The following KANSL1 variants were observed in gnomAD, a reference collection of about 807,000 sequenced individuals.
KANSL1 encodes MLL1/MLL complex subunit KANSL1.
A neutral mutation model predicts 103.6 loss-of-function variants in KANSL1; 22 were observed. The observed-to-expected ratio is 0.21, with a 90% CI of 0.15 to 0.30. The LOEUF is 0.30. KANSL1 is among the 10% of genes least tolerant of loss of function. KANSL1 has a pLI of 1.00. For synonymous variants in KANSL1, 600 were observed against 527.6 expected, an observed-to-expected ratio of 1.14 and a Z score of -1.88; for missense variants, 1,337 against 1,399.8, an observed-to-expected ratio of 0.96 and a Z score of 0.72.
intron 1 of KANSL1, among the ~76,000 whole-genome samples, chr17:46,189,563 T>G (rs1221556063): frequency 6.6e-6 from 1 of 152,204 alleles, no homozygotes; most frequent in Non-Finnish European, 1.5e-5. Flanking sequence ...GTGGATTAGT[T>G]TGGTGTTTTA....
chr17:46,066,210 G>C (rs1367161995), intron 6 of KANSL1, among the ~76,000 whole-genome samples: 1 of 152,198 alleles, frequency 6.6e-6, no homozygotes, highest in South Asian at 2.1e-4. Flanking sequence ...AGTGATAACA[G>C]TGAAGGTGAG....
chr17:46,031,623 C>T lies in KANSL1; in HGVS notation c.3171G>A (p.Gln1057=). The change falls in exon 15 of 15, where the codon CAG becomes CAA. Residue 1057 remains glutamine (Q), a synonymous_variant. Coordinates refer to ENST00000432791, the MANE Select transcript of KANSL1 (RefSeq NM_015443.4). The part of the protein sequence containing the change: ...QAECEDQLDA[Q]ERAARCTRRT... ...GTCGAGTGCAGCGGGCTGCTCGCTC[C>T]TGTGCATCCAGCTGGTCCTCACACT... is the stretch of plus-strand genomic sequence containing the variant. 1 of 1,614,104 alleles carries T rather than the reference C, an allele frequency of 6.2e-7. No homozygotes were observed. The highest frequency in any genetic ancestry group is 8.5e-7 in the Non-Finnish European group (1 of 1,179,968).
intron 2 of KANSL1, among the ~76,000 whole-genome samples, chr17:46,105,947 A>ACCCCCCCCC (rs67725690): frequency 1.7e-5 from 1 of 57,778 alleles, no homozygotes; most frequent in African/African-American, 6.6e-5. Flanking sequence ...ACACACACAC[A>ACCCCCCCCC]CCCCCCCAGA....
intron 6 of KANSL1, among the ~76,000 whole-genome samples, chr17:46,064,335 CCCTT>C: frequency 6.6e-6 from 1 of 152,296 alleles, no homozygotes; most frequent in Admixed American, 6.5e-5. Flanking sequence ...TCTCTCATCT[CCCTT>C]ATTTGTCATT....
intron 6 of KANSL1, among the ~76,000 whole-genome samples, chr17:46,059,552 G>A (rs1163770310): frequency 6.6e-6 from 1 of 150,414 alleles, no homozygotes; most frequent in Non-Finnish European, 1.5e-5. Flanking sequence ...GAACCCGGGA[G>A]GCAGACGTTG....
At chr17:46,194,064 A>AG (rs1567793179), upstream of KANSL1, among the ~76,000 whole-genome samples, 1 of 150,356 alleles carries the variant, frequency 6.7e-6, no homozygotes, top group Non-Finnish European at 1.5e-5. Flanking sequence ...CGGGGTGGGG[A>AG]GGGTGCACGT....
intron 2 of KANSL1, among the ~76,000 whole-genome samples, chr17:46,122,595 G>A (rs968999300): frequency 3.3e-5 from 5 of 152,154 alleles, no homozygotes; most frequent in African/African-American, 1.2e-4. Context: ...TCACTTTACT[G>A]CACTTTGCAG....
At chr17:46,109,147 G>A (rs543509677) in intron 2 of KANSL1, among the ~76,000 whole-genome samples, 9 of 152,122 alleles carry the variant, frequency 5.9e-5, no homozygotes, top group East Asian at 3.9e-4. Flanking sequence ...GGAGCCTCAC[G>A]ATGTTGCCCA....
intron 1 of KANSL1, among the ~76,000 whole-genome samples, chr17:46,217,344 C>T (rs978971670): frequency 7.2e-5 from 11 of 151,854 alleles, no homozygotes; most frequent in Admixed American, 2.0e-4. Flanking sequence ...GGCACGGTGG[C>T]GAGCACCTGT....
intron 1 of KANSL1, among the ~76,000 whole-genome samples, chr17:46,175,874 G>C (rs960532734): frequency 4.6e-5 from 7 of 152,168 alleles, no homozygotes; most frequent in Admixed American, 3.3e-4. Context: ...CAGACCAGTT[G>C]ACAGTACTAA....
intron 1 of KANSL1, among the ~76,000 whole-genome samples, chr17:46,209,044 G>A (rs528387287): frequency 4.6e-5 from 7 of 151,812 alleles, no homozygotes; most frequent in African/African-American, 1.4e-4. Flanking sequence ...TTAGCCAGGC[G>A]TGATGGCGCA....
intron 6 of KANSL1, among the ~76,000 whole-genome samples, chr17:46,059,646 AAAGAGAG>A (rs2078083455): frequency 3.1e-5 from 2 of 64,484 alleles, no homozygotes; most frequent in African/African-American, 8.1e-5. Flanking sequence ...AAAAAAAAAA[AAAGAGAG>A]AGAGAGAGAG....
At chr17:46,193,604 A>G (rs1209816885), upstream of KANSL1, 4 of 262,292 alleles carry the variant, frequency 1.5e-5, no homozygotes. Flanking sequence ...CGCCTCAGTC[A>G]TGGCTCCTCG....
intron 2 of KANSL1, among the ~76,000 whole-genome samples, chr17:46,146,214 C>T (rs2044691535): frequency 6.6e-6 from 1 of 152,118 alleles, no homozygotes; most frequent in Non-Finnish European, 1.5e-5. Context: ...CTGAGAATAC[C>T]ACCACCTCAT....
chr17:46,049,399 C>A (rs113434679), intron 7 of KANSL1: 18,369 of 151,934 alleles, frequency 0.12, 1,542 homozygotes, highest in Non-Finnish European at 0.19. Flanking sequence ...CCACGCCCTG[C>A]TAATTTTTGT....
chr17:46,033,213 C>A, intron 12 of KANSL1, 21 bp from the exon 13 acceptor site: 1 of 1,557,890 alleles, frequency 6.4e-7, no homozygotes, highest in Non-Finnish European at 8.8e-7. Flanking sequence ...GCAGCTTCAT[C>A]GATCCCCTCT....
chr17:46,057,986 T>A (rs979246844), intron 6 of KANSL1, among the ~76,000 whole-genome samples: 4 of 152,172 alleles, frequency 2.6e-5, no homozygotes, highest in African/African-American at 9.7e-5. Context: ...ACTGCCCTGG[T>A]TTTCCGTCTG....
intron 2 of KANSL1, among the ~76,000 whole-genome samples, chr17:46,137,156 T>C (rs1485073330): frequency 6.6e-6 from 1 of 152,218 alleles, no homozygotes; most frequent in Non-Finnish European, 1.5e-5. Flanking sequence ...TTCACACTTA[T>C]TCCCCTGACT....
chr17:46,032,117 C>T lies in KANSL1; in HGVS notation c.3020G>A (p.Arg1007Gln), dbSNP rs148203818. 5 of 1,613,912 alleles carry T rather than the reference C, an allele frequency of 3.1e-6. No homozygotes were observed. Among genetic ancestry groups the T allele is most frequent in the East Asian group, 2.2e-5 (1 of 44,876 alleles). Residue 1007 changes from arginine (R) to glutamine (Q), a missense_variant, in exon 14 of 15, where the codon CGG (arginine) becomes CAG (glutamine). Transcript: ENST00000432791. ...LHSAPLTPVA[R>Q]DTPRHLASED... ...ACTGGCTAAGTGTCGCGGAGTGTCC[C>T]GAGCCACAGGGGTGAGGGGTGCTGA...
Sources: gnomAD v4.1 joint callset for allele counts (sites outside exome capture counted in the v4.1 genomes callset) on GRCh38, gnomAD v4.1.1 for gene constraint, MANE v1.5 for transcripts, NCBI Gene and HGNC (gene_info 2026-07-23, HGNC 2026-07-21) for gene names.